The following ACTR2 variants were observed in gnomAD, a reference collection of about 807,000 sequenced individuals.
The protein encoded by ACTR2 is actin-related protein 2.
A neutral mutation model predicts 50.2 loss-of-function variants in ACTR2; 5 were observed. That is an observed-to-expected ratio of 0.10 (90% CI 0.05 to 0.21). The LOEUF (loss-of-function observed/expected upper bound fraction) is 0.21. Ranked by LOEUF, ACTR2 falls within the 10% of genes least tolerant of loss-of-function variation. The pLI, the probability that ACTR2 is intolerant of heterozygous loss-of-function variation, is 1.00. For synonymous variants in ACTR2, 140 were observed against 162.9 expected, an observed-to-expected ratio of 0.86 and a Z score of 1.07; for missense variants, 180 against 480.6, an observed-to-expected ratio of 0.37 and a Z score of 5.85.
At chr2:65,228,352 A>G (rs1671569779) in intron 1 of ACTR2, 1 of 190,030 alleles carries the variant, frequency 5.3e-6, no homozygotes, top group African/African-American at 2.4e-5. Context: ...TGTAAAAAGG[A>G]GAAAGACCTA....
chr2:65,240,880 T>A (rs192663120), intron 2 of ACTR2, among the ~76,000 whole-genome samples: 1 of 152,314 alleles, frequency 6.6e-6, no homozygotes, highest in Non-Finnish European at 1.5e-5. Flanking sequence ...TTGGGACATT[T>A]GTTTTATGTA....
chr2:65,269,528 A>G lies in ACTR2; in HGVS notation c.*794A>G, dbSNP rs2104029922. The G allele has an allele frequency of 6.6e-6, 1 of 152,310 alleles. No individual in the cohort carries two copies. Among genetic ancestry groups the G allele is most frequent in the Non-Finnish European group, 1.5e-5 (1 of 68,024 alleles). The allele number at this position is 152,310 out of a possible 1,614,324, so 9.4% of individuals were successfully genotyped here. A position where few individuals can be genotyped will look rare whatever the true frequency, so the allele number is the denominator to read the frequency against. ...TTTGTTTTTTAAAATCAACCATGTT[A>G]GCTGGGATTAGACTCCCTACAGTCC... On this transcript the variant is annotated 3_prime_UTR_variant, in exon 9 of 9. Transcript: ENST00000260641.
At chr2:65,253,977 T>G in intron 5 of ACTR2, 113 bp downstream of exon 5, 1 of 772,624 alleles carries the variant, frequency 1.3e-6, no homozygotes, top group African/African-American at 1.8e-5. Context: ...ACTAGAGAAA[T>G]TATCCAATTA....
rs1672458911 is a variant in ACTR2, at chr2:65,269,889, T to TAA, written c.*1158_*1159dup. The stretch of plus-strand genomic sequence containing the variant: ...GGAAATACAGTAAAATTTGACTGTT[T>TAA]AAAATGTTGGCCAAAAAAATCAAGA... On this transcript the variant is annotated 3_prime_UTR_variant, in exon 9 of 9. Transcript: ENST00000260641. 6.6e-6 allele frequency: 1 copy of TAA among 152,232 alleles called. No individual in the cohort carries two copies. The highest frequency in any genetic ancestry group is 1.5e-5 in the Non-Finnish European group (1 of 68,026). 9.4% of individuals were successfully genotyped at this position (152,232 alleles called of 1,614,324 possible). A position where few individuals can be genotyped will look rare whatever the true frequency, so the allele number is the denominator to read the frequency against.
chr2:65,259,697 C>T (rs1008726076), intron 6 of ACTR2, among the ~76,000 whole-genome samples: 2 of 152,164 alleles, frequency 1.3e-5, no homozygotes, highest in African/African-American at 4.8e-5. Context: ...CCACTACACT[C>T]CAGCCTGGGC....
intron 1 of ACTR2, among the ~76,000 whole-genome samples, chr2:65,238,424 C>T (rs1671778559): frequency 6.6e-6 from 1 of 151,862 alleles, no homozygotes; most frequent in East Asian, 1.9e-4. Context: ...CTTTGGGAGG[C>T]TGAGGCGGGC....
intron 2 of ACTR2, among the ~76,000 whole-genome samples, chr2:65,241,031 AT>A (rs778068714): frequency 7.3e-5 from 11 of 151,358 alleles, no homozygotes; most frequent in Non-Finnish European, 1.6e-4. Context: ...AAAGTAGCGA[AT>A]TTTTCTGGCC....
At chr2:65,260,729 C>CTTTTTTTTTTTTTT (rs34258160) in intron 6 of ACTR2, among the ~76,000 whole-genome samples, 1 of 132,150 alleles carries the variant, frequency 7.6e-6, no homozygotes, top group African/African-American at 2.8e-5. Flanking sequence ...CGTGGCATAC[C>CTTTTTTTTTTTTTT]TTTTTTTTTT....
chr2:65,229,891 TTAAGTG>T (rs1671604033), intron 1 of ACTR2, among the ~76,000 whole-genome samples: 1 of 152,188 alleles, frequency 6.6e-6, no homozygotes, highest in Non-Finnish European at 1.5e-5. Flanking sequence ...ATGATTCAGT[TTAAGTG>T]TGTGTTCCTT....
chr2:65,251,193 G>T, intron 4 of ACTR2, 94 bp downstream of exon 4: 1 of 776,312 alleles, frequency 1.3e-6, no homozygotes, highest in Non-Finnish European at 2.0e-6. Context: ...TAAGTTATAA[G>T]CCCCAGAAAA....
intron 3 of ACTR2, among the ~76,000 whole-genome samples, chr2:65,248,617 T>C (rs1190746185): frequency 6.6e-6 from 1 of 152,072 alleles, no homozygotes; most frequent in Non-Finnish European, 1.5e-5. Flanking sequence ...TACCAGATTA[T>C]AGGTCTGTTT....
rs940197808 is a variant in ACTR2 at position 65,240,372 on chromosome 2, A to C, written c.159+410A>C. Among the ~76,000 whole-genome samples, 2 of 152,062 alleles carry C rather than the reference A, an allele frequency of 1.3e-5. 1 individual carries two copies. The highest frequency in any genetic ancestry group is 3.9e-4 in the East Asian group (2 of 5,192). On this transcript the variant is annotated intron_variant, in intron 2 of 8. Transcript: ENST00000260641. ...TTAGACTTTTTCTTTTCATGTTTTT[A>C]TGGCCTGATCCCTCTACTTTTTTAT...
intron 1 of ACTR2, among the ~76,000 whole-genome samples, chr2:65,237,693 A>G (rs920880057): frequency 2.0e-5 from 3 of 152,128 alleles, no homozygotes; most frequent in Non-Finnish European, 4.4e-5. Flanking sequence ...TCTACAAAAA[A>G]TTTTAAAACT....
At chr2:65,259,041 C>T (rs1387655549) in intron 6 of ACTR2, among the ~76,000 whole-genome samples, 3 of 151,724 alleles carry the variant, frequency 2.0e-5, no homozygotes, top group Non-Finnish European at 4.4e-5. Context: ...GGCATGATCT[C>T]GGCTCACTTC....
intron 6 of ACTR2, among the ~76,000 whole-genome samples, chr2:65,260,502 C>T (rs1672248020): frequency 6.6e-6 from 1 of 152,198 alleles, no homozygotes; most frequent in African/African-American, 2.4e-5. Flanking sequence ...GAAACTCTGT[C>T]TCAATCAATC....
chr2:65,255,387 A>G (rs1672131296), intron 5 of ACTR2, among the ~76,000 whole-genome samples, 158 bp from the exon 6 acceptor site: 1 of 152,204 alleles, frequency 6.6e-6, no homozygotes, highest in Non-Finnish European at 1.5e-5. Context: ...AAATCCTTTT[A>G]TGGCGGATAA....
At position 65,268,829 on chromosome 2, in the gene ACTR2, C is replaced by G; in HGVS notation, c.*95C>G. The G allele has an allele frequency of 7.6e-7, 1 of 1,308,316 alleles. No homozygotes were observed. The highest frequency in any genetic ancestry group is 1.1e-6 in the Non-Finnish European group (1 of 944,640). 81.0% of individuals were successfully genotyped at this position (1,308,316 alleles called of 1,614,324 possible). A position where few individuals can be genotyped will look rare whatever the true frequency, so the allele number is the denominator to read the frequency against. ...TTCAACTCCAGGACATGGAAGAGGCCTCTCTCTGCCCTTTGACTGGAAAGG... is the reference window on the plus strand; with the variant it reads ...TTCAACTCCAGGACATGGAAGAGGCGTCTCTCTGCCCTTTGACTGGAAAGG... On this transcript the variant is annotated 3_prime_UTR_variant, in exon 9 of 9. Transcript: ENST00000260641.
At chr2:65,243,790 G>A (rs1465913147) in intron 2 of ACTR2, among the ~76,000 whole-genome samples, 1 of 152,148 alleles carries the variant, frequency 6.6e-6, no homozygotes, top group African/African-American at 2.4e-5. Context: ...TTTTCATGAA[G>A]TATAAATACC....
In ACTR2 at chr2:65,253,868, A is replaced by G. The variant is rs778531443; in HGVS notation, c.585+4A>G. On this transcript the variant is annotated splice_donor_region_variant and intron_variant, in intron 5 of 8. Transcript: ENST00000260641. ...TATAACTAGATATCTTATCAAGGTA[A>G]GTGAAAGGAAAATATCATGGAAATT... 7 of 1,607,156 alleles carry G rather than the reference A, an allele frequency of 4.4e-6. No homozygotes were observed. The highest frequency in any genetic ancestry group is 1.7e-6 in the Non-Finnish European group (2 of 1,174,820).
Sources: allele counts gnomAD v4.1 joint callset (sites outside exome capture counted in the v4.1 genomes callset), GRCh38; gene constraint gnomAD v4.1.1; transcripts MANE v1.5; gene names NCBI Gene and HGNC (gene_info 2026-07-23, HGNC 2026-07-21).